Variants in PPARGC1A observed in about 807,000 individuals in gnomAD.
The protein encoded by PPARGC1A is peroxisome proliferator-activated receptor gamma coactivator 1-alpha.
In PPARGC1A, 25 loss-of-function variants were observed where a neutral mutation model predicts 88.7. The observed-to-expected ratio is 0.28, with a 90% CI of 0.21 to 0.39. PPARGC1A has a LOEUF of 0.39. Among genes scored for constraint, PPARGC1A ranks in the 10% least tolerant of loss-of-function variants. The pLI, the probability that PPARGC1A is intolerant of heterozygous loss-of-function variation, is 1.00. For missense variants in PPARGC1A, 880 were observed against 968.7 expected (o/e 0.91, Z 1.22); for synonymous variants, 363 against 355.6 (o/e 1.02, Z -0.24).
chr4:24,200,613 C>A, the PPARGC1A span, among the ~76,000 whole-genome samples: 2 of 106,214 alleles, frequency 1.9e-5, no homozygotes, highest in East Asian at 3.5e-4. Context: ...GGAAAGCAGA[C>A]AAATGGAGCT....
chr4:24,028,113 T>C, the PPARGC1A span, among the ~76,000 whole-genome samples: 5 of 132,992 alleles, frequency 3.8e-5, no homozygotes, highest in Non-Finnish European at 6.7e-5. Context: ...ACCCCAAGGC[T>C]CCTCAAGGAA....
the PPARGC1A span, among the ~76,000 whole-genome samples, chr4:24,417,397 G>A: frequency 6.6e-6 from 1 of 152,148 alleles, no homozygotes; most frequent in Non-Finnish European, 1.5e-5. Flanking sequence ...CACCAGATAG[G>A]TTTTGAAACC....
chr4:24,154,702 G>A, the PPARGC1A span, among the ~76,000 whole-genome samples: 2 of 152,194 alleles, frequency 1.3e-5, no homozygotes, highest in African/African-American at 2.4e-5. Flanking sequence ...GAATGAATAA[G>A]TAGCCATGTG....
At chr4:23,883,134 G>A (rs1482458551) in intron 2 of PPARGC1A, 2 of 152,200 alleles carry the variant, frequency 1.3e-5, no homozygotes, top group South Asian at 2.1e-4. Context: ...AACTGGCCAA[G>A]TCCTCACATG....
chr4:24,312,473 G>A, the PPARGC1A span, among the ~76,000 whole-genome samples: 11 of 151,612 alleles, frequency 7.3e-5, no homozygotes, highest in African/African-American at 1.9e-4. Flanking sequence ...CAATATTCAG[G>A]GTGTTCTGTA....
the PPARGC1A span, among the ~76,000 whole-genome samples, chr4:24,128,040 A>G: frequency 2.0e-5 from 3 of 152,124 alleles, no homozygotes; most frequent in African/African-American, 7.2e-5. Context: ...GCATCTGCAC[A>G]CCATATGGGA....
At chr4:23,910,973 T>C in the PPARGC1A span, among the ~76,000 whole-genome samples, 1 of 151,000 alleles carries the variant, frequency 6.6e-6, no homozygotes, top group Non-Finnish European at 1.5e-5. Flanking sequence ...TGCCTCGCTC[T>C]AACGTCTGCC....
chr4:24,174,662 C>G, the PPARGC1A span, among the ~76,000 whole-genome samples: 2 of 152,142 alleles, frequency 1.3e-5, no homozygotes, highest in Non-Finnish European at 2.9e-5. Flanking sequence ...GTGATTTATC[C>G]TTAAGTGTCA....
the PPARGC1A span, among the ~76,000 whole-genome samples, chr4:24,041,183 A>G: frequency 6.6e-6 from 1 of 152,168 alleles, no homozygotes; most frequent in Admixed American, 6.6e-5. Context: ...GATTGTGTCA[A>G]TGGGCTTTCT....
chr4:24,169,051 C>T, the PPARGC1A span, among the ~76,000 whole-genome samples: 3 of 152,150 alleles, frequency 2.0e-5, no homozygotes, highest in African/African-American at 7.2e-5. Context: ...TGATCCAGTT[C>T]AACATCAACA....
the PPARGC1A span, among the ~76,000 whole-genome samples, chr4:24,279,224 T>C: frequency 7.9e-5 from 12 of 152,208 alleles, no homozygotes; most frequent in African/African-American, 2.2e-4. Context: ...ATTCAATGCC[T>C]CTCCGTTTTG....
chr4:24,331,944 C>T, the PPARGC1A span, among the ~76,000 whole-genome samples: 1 of 151,996 alleles, frequency 6.6e-6, no homozygotes, highest in Admixed American at 6.6e-5. Context: ...TGCCCCCAAC[C>T]CCTTGACAGG....
the PPARGC1A span, among the ~76,000 whole-genome samples, chr4:24,326,653 C>T: frequency 1.6e-4 from 25 of 152,268 alleles, no homozygotes; most frequent in East Asian, 5.8e-4. Flanking sequence ...GCATAATTCT[C>T]GTAAAAACAC....
At chr4:24,325,889 A>G in the PPARGC1A span, among the ~76,000 whole-genome samples, 1 of 151,506 alleles carries the variant, frequency 6.6e-6, no homozygotes, top group African/African-American at 2.4e-5. Flanking sequence ...AAACTCCCCA[A>G]CTCTGGTGGC....
chr4:24,238,745 A>ATGTG, the PPARGC1A span, among the ~76,000 whole-genome samples: 3,832 of 121,642 alleles, frequency 0.032, 73 homozygotes, highest in East Asian at 0.055. Context: ...AAGGTTGTAT[A>ATGTG]TGTGTGTGTG....
chr4:24,089,279 C>G, the PPARGC1A span, among the ~76,000 whole-genome samples: 25 of 152,172 alleles, frequency 1.6e-4, no homozygotes, highest in Non-Finnish European at 3.2e-4. Context: ...TAGGGACAGC[C>G]TTGGTGTCAA....
chr4:24,162,432 C>T, the PPARGC1A span, among the ~76,000 whole-genome samples: 1 of 152,128 alleles, frequency 6.6e-6, no homozygotes, highest in Non-Finnish European at 1.5e-5. Context: ...GTACTCCCCT[C>T]AGCCATATTC....
the PPARGC1A span, among the ~76,000 whole-genome samples, chr4:24,296,124 A>G: frequency 6.6e-6 from 1 of 150,884 alleles, no homozygotes; most frequent in Non-Finnish European, 1.5e-5. Flanking sequence ...ATACATATAT[A>G]CACATGTATA....
intron 2 of PPARGC1A, among the ~76,000 whole-genome samples, chr4:23,848,562 C>T (rs907994259): frequency 3.3e-5 from 5 of 152,070 alleles, no homozygotes; most frequent in South Asian, 4.1e-4. Flanking sequence ...GATCTGCACA[C>T]GATATGAAAA....
Sources: allele counts gnomAD v4.1 joint callset (sites outside exome capture counted in the v4.1 genomes callset), GRCh38; gene constraint gnomAD v4.1.1; transcripts MANE v1.5; gene names NCBI Gene and HGNC (gene_info 2026-07-23, HGNC 2026-07-21).